Variants in NPAS2 observed in about 807,000 individuals in gnomAD.
NPAS2 encodes the protein neuronal PAS domain-containing protein 2.
A neutral mutation model predicts 107.5 loss-of-function variants in NPAS2; 23 were observed. The observed-to-expected ratio is 0.21, with a 90% CI of 0.15 to 0.30. NPAS2 has a LOEUF of 0.30. NPAS2 is among the 10% of genes least tolerant of loss of function. The pLI is 1.00. For missense variants in NPAS2, 756 were observed against 1,043.3 expected, an observed-to-expected ratio of 0.72 and a Z score of 3.79; for synonymous variants, 403 against 417.5, an observed-to-expected ratio of 0.97 and a Z score of 0.42.
At chr2:100,936,198 T>C (rs1192542972) in intron 4 of NPAS2, among the ~76,000 whole-genome samples, 1 of 152,252 alleles carries the variant, frequency 6.6e-6, no homozygotes, top group Non-Finnish European at 1.5e-5. Context: ...CGGCATGGTA[T>C]AAAGGTGCCC....
In NPAS2 at chr2:100,867,364, T is replaced by C. The variant is rs557965768; in HGVS notation, c.-22-37369T>C. Among the ~76,000 whole-genome samples the C allele has an allele frequency of 2.2e-3, 333 of 152,348 alleles. 1 individual carries two copies. The highest frequency in any genetic ancestry group is 0.01 in the Middle Eastern group (3 of 294). ...ATTTGAGGCTATATTATTAGGTGCA[T>C]GTAAGTTTAGGATTATCTTCTCTTC... On this transcript the variant is annotated intron_variant, in intron 1 of 20. Transcript: ENST00000335681.
chr2:100,966,319 G>A (rs1676209620), intron 10 of NPAS2, among the ~76,000 whole-genome samples: 2 of 152,216 alleles, frequency 1.3e-5, no homozygotes, highest in Admixed American at 6.5e-5. Context: ...CTCACAGCTG[G>A]GGTTCAGGGA....
At chr2:100,960,834 C>T (rs1246987094) in intron 7 of NPAS2, among the ~76,000 whole-genome samples, 3 of 152,130 alleles carry the variant, frequency 2.0e-5, no homozygotes, top group African/African-American at 7.2e-5. Flanking sequence ...TGGAGATGAG[C>T]CGGGCCATCT....
At chr2:100,933,875 C>G (rs2104947962) in intron 4 of NPAS2, among the ~76,000 whole-genome samples, 1 of 152,276 alleles carries the variant, frequency 6.6e-6, no homozygotes, top group East Asian at 1.9e-4. Context: ...CTGGCTGTGA[C>G]CAGTGGTTCC....
At chr2:100,895,107 T>TAC (rs61033448) in intron 1 of NPAS2, among the ~76,000 whole-genome samples, 18 of 151,676 alleles carry the variant, frequency 1.2e-4, no homozygotes, top group East Asian at 1.9e-4. Flanking sequence ...CCATCATGCG[T>TAC]ACACACACAC....
At chr2:100,837,233 A>G (rs1399442667) in intron 1 of NPAS2, among the ~76,000 whole-genome samples, 1 of 152,190 alleles carries the variant, frequency 6.6e-6, no homozygotes, top group Non-Finnish European at 1.5e-5. Flanking sequence ...ACAGTCTAAA[A>G]GTTAGATTGT....
intron 1 of NPAS2, among the ~76,000 whole-genome samples, chr2:100,852,583 C>T (rs1678271365): frequency 6.6e-6 from 1 of 152,022 alleles, no homozygotes. Flanking sequence ...CCATTTGGCC[C>T]CACAAACCTG....
intron 1 of NPAS2, among the ~76,000 whole-genome samples, chr2:100,830,389 T>TGTA (rs1676656047): frequency 6.6e-6 from 1 of 152,144 alleles, no homozygotes. Flanking sequence ...TAGTTACATA[T>TGTA]GTATACATGT....
chr2:100,879,431 G>A (rs1346726806), intron 1 of NPAS2, among the ~76,000 whole-genome samples: 3 of 152,054 alleles, frequency 2.0e-5, no homozygotes, highest in Non-Finnish European at 4.4e-5. Context: ...TGTTACTCTA[G>A]CCTTGCTGAC....
intron 1 of NPAS2, among the ~76,000 whole-genome samples, chr2:100,832,286 A>G (rs760208999): frequency 2.0e-5 from 3 of 152,084 alleles, no homozygotes; most frequent in Non-Finnish European, 2.9e-5. Flanking sequence ...AGCCACCTGT[A>G]TCTCCCTTCC....
intron 1 of NPAS2, among the ~76,000 whole-genome samples, chr2:100,858,057 G>A (rs1050865669): frequency 6.6e-6 from 1 of 152,228 alleles, no homozygotes; most frequent in African/African-American, 2.4e-5. Context: ...ACATGATTCA[G>A]TGTTAACCAG....
At chr2:100,912,086 A>G (rs1245040662) in intron 2 of NPAS2, among the ~76,000 whole-genome samples, 1 of 152,156 alleles carries the variant, frequency 6.6e-6, no homozygotes, top group African/African-American at 2.4e-5. Flanking sequence ...GTGAGCACCT[A>G]TTTGGTATAT....
intron 5 of NPAS2, among the ~76,000 whole-genome samples, chr2:100,939,184 ATGC>A (rs1674421798): frequency 6.6e-6 from 1 of 151,914 alleles, no homozygotes; most frequent in Non-Finnish European, 1.5e-5. Flanking sequence ...AGTGCAAATG[ATGC>A]TGTGTGCAGA....
intron 4 of NPAS2, among the ~76,000 whole-genome samples, chr2:100,934,484 C>T (rs771537952): frequency 3.3e-5 from 5 of 152,136 alleles, no homozygotes; most frequent in African/African-American, 4.8e-5. Flanking sequence ...TATGCACTTT[C>T]CCTTGCTCCC....
At chr2:100,856,604 AT>A (rs1447402631) in intron 1 of NPAS2, among the ~76,000 whole-genome samples, 1 of 151,940 alleles carries the variant, frequency 6.6e-6, no homozygotes, top group East Asian at 1.9e-4. Context: ...AGAAGTGGAA[AT>A]AATGCTCACA....
chr2:100,939,916 C>CTT (rs2104990931), intron 5 of NPAS2, among the ~76,000 whole-genome samples: 2 of 152,306 alleles, frequency 1.3e-5, no homozygotes, highest in South Asian at 4.1e-4. Flanking sequence ...TTTATCAATG[C>CTT]TGGACCCACT....
chr2:100,823,843 G>C (rs1050535807), intron 1 of NPAS2: 25 of 152,172 alleles, frequency 1.6e-4, no homozygotes, highest in African/African-American at 6.0e-4. Context: ...GGAAAGGAGA[G>C]TTGCTGGTAG....
At chr2:100,990,671 T>G in intron 18 of NPAS2, 109 bp from the exon 19 acceptor site, 2 of 1,118,908 alleles carry the variant, frequency 1.8e-6, no homozygotes, top group Non-Finnish European at 2.7e-6. Context: ...AGAGTGGGGA[T>G]TAGAGTCAAC....
At chr2:100,862,612 C>T (rs971312472) in intron 1 of NPAS2, among the ~76,000 whole-genome samples, 3 of 152,170 alleles carry the variant, frequency 2.0e-5, no homozygotes, top group African/African-American at 7.2e-5. Context: ...CCTCAGTAGA[C>T]TAGAAAAGGT....
Sources: allele counts gnomAD v4.1 joint callset (sites outside exome capture counted in the v4.1 genomes callset), GRCh38; gene constraint gnomAD v4.1.1; transcripts MANE v1.5; gene names NCBI Gene and HGNC (gene_info 2026-07-23, HGNC 2026-07-21).